Variants in EMG1 observed in about 807,000 individuals in gnomAD.
The protein encoded by EMG1 is EMG1 N1-specific pseudouridine methyltransferase.
In EMG1, 24 loss-of-function variants were observed where a neutral mutation model predicts 26.9. That is an observed-to-expected ratio of 0.89 (90% CI 0.65 to 1.26). The LOEUF is 1.26. Among genes scored for constraint, EMG1 ranks in the 50% most tolerant of loss-of-function variants. EMG1 has a pLI of 0.00. For synonymous variants in EMG1, 140 were observed against 112.6 expected (o/e 1.24, Z -1.54); for missense variants, 299 against 307.6 (o/e 0.97, Z 0.21).
At chr12:6,983,001 G>T, downstream of EMG1, 1 of 615,150 alleles carries the variant, frequency 1.6e-6, no homozygotes, top group Admixed American at 2.2e-5. Flanking sequence ...TGTTTTTTTA[G>T]AGATGCGACT....
chr12:6,971,228 T>C (rs1381413121), intron 1 of EMG1, 137 bp downstream of exon 1: 2 of 684,026 alleles, frequency 2.9e-6, no homozygotes, highest in East Asian at 5.5e-5. Context: ...CTTGGTTGGC[T>C]TTGCGTTGAT....
chr12:6,981,724 G>T, downstream of EMG1: 3 of 1,401,716 alleles, frequency 2.1e-6, no homozygotes, highest in Non-Finnish European at 3.0e-6. Flanking sequence ...TGTATGGCGG[G>T]GGGCGGAGGG....
chr12:6,972,650 A>G (rs1346222573), intron 1 of EMG1, among the ~76,000 whole-genome samples: 1 of 152,200 alleles, frequency 6.6e-6, no homozygotes, highest in East Asian at 1.9e-4. Flanking sequence ...TCCAGTGTAC[A>G]GAGAGTTGTT....
At chr12:6,971,365 C>A (rs2138315071) in intron 1 of EMG1, among the ~76,000 whole-genome samples, 1 of 151,870 alleles carries the variant, frequency 6.6e-6, no homozygotes, top group South Asian at 2.1e-4. Context: ...CTTCTGCCTC[C>A]CGCCTTCAAA....
chr12:6,987,280 C>G lies in EMG1; in HGVS notation c.*155-502C>G, dbSNP rs1404134440. ...GTGTTTAGTAAATGCCTGCTATATG[C>G]CAGGTATTCTGTTTATGAAGCACGT... On this transcript the variant is annotated intron_variant and NMD_transcript_variant, in intron 6 of 7. Coordinates refer to the EMG1 transcript ENST00000261406. The surrounding 1 kb of genome is among the most constrained non-coding windows in gnomAD (Gnocchi z 4.1). 6.6e-6 allele frequency among the ~76,000 whole-genome samples: 1 copy of G among 152,078 alleles called. No individual in the cohort carries two copies. Among genetic ancestry groups the G allele is most frequent in the Non-Finnish European group, 1.5e-5 (1 of 68,022 alleles).
chr12:6,996,048 A>T (rs782427968), intron 7 of EMG1, among the ~76,000 whole-genome samples: 27 of 152,240 alleles, frequency 1.8e-4, no homozygotes, highest in South Asian at 6.2e-4. Flanking sequence ...AGCCCTCTCA[A>T]GGCCTCTATT....
Position 6,975,369 on chromosome 12 carries a change from C to A in EMG1, c.612C>A (p.Ala204=). Reference sequence around the variant, plus strand: ...TTGTTTTTGTGGTAGGGGCCTTTGCCCATGGCAAGGTAAGGTCTGGGCTCA... The same window carrying A: ...TTGTTTTTGTGGTAGGGGCCTTTGCACATGGCAAGGTAAGGTCTGGGCTCA... ...DPIVFVVGAF[A]HGKVSVEYTE... The change falls in exon 5 of 6, where the codon GCC becomes GCA. Residue 204 remains alanine, a synonymous_variant. Coordinates refer to ENST00000599672, the MANE Select transcript of EMG1 (RefSeq NM_006331.8). 1 of 1,598,746 alleles carries A rather than the reference C, an allele frequency of 6.3e-7. No homozygotes were observed.
chr12:6,989,414 A>T (rs1197179884), downstream of EMG1, among the ~76,000 whole-genome samples: 1 of 146,176 alleles, frequency 6.8e-6, no homozygotes, highest in East Asian at 2.1e-4. Context: ...GGTTCACGCC[A>T]TTCTCCTGCC....
In EMG1 at chr12:6,977,763, T is replaced by G. The variant is rs781891178; in HGVS notation, c.*1954T>G. On this transcript the variant is annotated 3_prime_UTR_variant, in exon 6 of 6. Transcript: ENST00000599672. The surrounding 1 kb of genome is among the most constrained non-coding windows in gnomAD (Gnocchi z 4.5). ...AGATGTAGCTGGAGAAAAGGGTGGGTGGGGCGACCCTCAAACTGACTGGTC... is the reference window on the plus strand; with the variant it reads ...AGATGTAGCTGGAGAAAAGGGTGGGGGGGGCGACCCTCAAACTGACTGGTC... 8 of 1,613,500 alleles carry G rather than the reference T, an allele frequency of 5.0e-6. No homozygotes were observed. Among genetic ancestry groups the G allele is most frequent in the Admixed American group, 1.7e-5 (1 of 60,004 alleles).
At position 6,977,628 on chromosome 12, in the gene EMG1, C is replaced by T; in HGVS notation, c.*1819C>T. 6.2e-7 allele frequency: 1 copy of T among 1,614,200 alleles called. No individual in the cohort carries two copies. Among genetic ancestry groups the T allele is most frequent in the Non-Finnish European group, 8.5e-7 (1 of 1,180,042 alleles). The stretch of plus-strand genomic sequence containing the variant: ...TTTCCACAATAACAATGAGGAATTC[C>T]ATCTGGAAGCAGACCAGGTATCCTG... On this transcript the variant is annotated 3_prime_UTR_variant, in exon 6 of 6. Transcript: ENST00000599672. This position sits in a 1 kb window ranked among gnomAD's most constrained non-coding sequence, Gnocchi z 4.5.
At chr12:6,992,132 C>T (rs146122468), downstream of EMG1, among the ~76,000 whole-genome samples, 13 of 152,000 alleles carry the variant, frequency 8.6e-5, no homozygotes, top group East Asian at 1.2e-3. Context: ...TTAGCCTGGG[C>T]GACAGAGTGA....
chr12:6,984,878 C>A (rs1344650739), downstream of EMG1, among the ~76,000 whole-genome samples: 5 of 152,156 alleles, frequency 3.3e-5, no homozygotes, highest in African/African-American at 1.2e-4. Context: ...AGTCACTGTG[C>A]CTGATGAATT....
downstream of EMG1, among the ~76,000 whole-genome samples, chr12:6,988,650 C>T (rs1555155078): frequency 2.6e-5 from 4 of 152,158 alleles, no homozygotes; most frequent in Non-Finnish European, 4.4e-5. Context: ...AGTTGGCTTC[C>T]GTGGGTCTGA....
chr12:6,990,600 A>G (rs1946579888), downstream of EMG1, among the ~76,000 whole-genome samples: 2 of 151,726 alleles, frequency 1.3e-5, no homozygotes, highest in African/African-American at 4.8e-5. Flanking sequence ...TAATGTGGGA[A>G]CTATATATCA....
downstream of EMG1, chr12:6,981,173 A>G: frequency 6.2e-7 from 1 of 1,607,324 alleles, no homozygotes; most frequent in Non-Finnish European, 8.5e-7. Context: ...TGCTCAGAGG[A>G]CAAGGAATTC....
chr12:6,971,218 C>G, intron 1 of EMG1, 127 bp downstream of exon 1: 2 of 747,024 alleles, frequency 2.7e-6, no homozygotes, highest in Non-Finnish European at 4.4e-6. Context: ...AGGAAGGTGG[C>G]TTGGTTGGCT....
chr12:6,975,567 C>T (rs1946384818), intron 5 of EMG1, 129 bp from the exon 6 acceptor site: 9 of 963,002 alleles, frequency 9.3e-6, no homozygotes, highest in Non-Finnish European at 1.5e-5. Flanking sequence ...CCTTCTTCAT[C>T]CTTTGTAGGG....
chr12:6,989,312 T>TG (rs1946563922), downstream of EMG1, among the ~76,000 whole-genome samples: 1 of 142,268 alleles, frequency 7.0e-6, no homozygotes, highest in South Asian at 2.2e-4. Context: ...TCAAAATGCG[T>TG]GTTTTTTTTT....
chr12:6,983,281 T>G, downstream of EMG1: 1 of 633,222 alleles, frequency 1.6e-6, no homozygotes, highest in Non-Finnish European at 2.8e-6. Context: ...AAAGGAAAAG[T>G]TAAGCTGTGT....
Sources: gnomAD v4.1 joint callset for allele counts (sites outside exome capture counted in the v4.1 genomes callset) on GRCh38, gnomAD v4.1.1 for gene constraint, Gnocchi (gnomAD v3.1) non-coding constraint, MANE v1.5 for transcripts, NCBI Gene and HGNC (gene_info 2026-07-23, HGNC 2026-07-21) for gene names.